The following AVEN variants were observed in gnomAD, a reference collection of about 807,000 sequenced individuals.
The protein encoded by AVEN is cell death regulator Aven.
In AVEN, 41 loss-of-function variants were observed where a neutral mutation model predicts 38.1. The ratio of observed to expected loss-of-function variants is 1.08; its 90% CI spans 0.84 to 1.40. AVEN has a LOEUF of 1.40. AVEN is among the 40% of genes most tolerant of loss of function. The pLI, the probability that AVEN is intolerant of heterozygous loss-of-function variation, is 0.00. For synonymous variants in AVEN, 206 were observed against 171.8 expected, an observed-to-expected ratio of 1.20 and a Z score of -1.56; for missense variants, 605 against 438.8, an observed-to-expected ratio of 1.38 and a Z score of -3.38.
chr15:33,912,055 A>G lies in AVEN; in HGVS notation c.446-36060T>C, dbSNP rs1170868240. 1.8e-4 allele frequency among the ~76,000 whole-genome samples: 28 copies of G among 152,256 alleles called. 2 individuals are homozygous for G. The highest frequency in any genetic ancestry group is 1.8e-3 in the Admixed American group (28 of 15,288). On this transcript the variant is annotated intron_variant, in intron 2 of 5. Transcript: ENST00000306730. ...ATGTAAATTATCTATGGATCTTTGG[A>G]AACAGCATGAGGTAATAGAAATCAA...
intron 2 of AVEN, among the ~76,000 whole-genome samples, chr15:33,916,762 G>A (rs1339142772): frequency 1.3e-5 from 2 of 151,782 alleles, no homozygotes; most frequent in Non-Finnish European, 2.9e-5. Flanking sequence ...TACAACCATC[G>A]TTATTAGTCT....
chr15:33,939,089 C>T (rs1037901015), intron 2 of AVEN, among the ~76,000 whole-genome samples: 3 of 152,336 alleles, frequency 2.0e-5, no homozygotes, highest in Middle Eastern at 6.8e-3. Flanking sequence ...GATTCGCCCG[C>T]TTCAGCCTCC....
At chr15:33,876,389 T>C (rs568920643) in intron 2 of AVEN, among the ~76,000 whole-genome samples, 4 of 152,088 alleles carry the variant, frequency 2.6e-5, no homozygotes, top group African/African-American at 9.6e-5. Flanking sequence ...CTGGACAACA[T>C]AGTGAAACCG....
chr15:33,883,669 A>C (rs1024768896), intron 2 of AVEN: 1 of 152,250 alleles, frequency 6.6e-6, no homozygotes, highest in Non-Finnish European at 1.5e-5. Flanking sequence ...TAAAATGATT[A>C]TCTCTCAGAA....
At chr15:33,852,019 AC>A in the AVEN span, 4 of 150,574 alleles carry the variant, frequency 2.7e-5, no homozygotes, top group Non-Finnish European at 5.9e-5. Flanking sequence ...AAAAAAAAAA[AC>A]ATTTTTTTTT....
At chr15:33,865,342 A>AAAAAAAAACTGCTGAAAATCTGTGCT (rs539804653), downstream of AVEN, 550 of 708,698 alleles carry the variant, frequency 7.8e-4, 6 homozygotes, top group South Asian at 9.9e-3. Context: ...GCCTCCCTTA[A>AAAAAAAAACTGCTGAAAATCTGTGCT]AAAAAAAACT....
At chr15:33,865,258 C>CAGTCA (rs771311317), downstream of AVEN, 72 of 1,484,720 alleles carry the variant, frequency 4.8e-5, no homozygotes, top group Non-Finnish European at 6.3e-5. Flanking sequence ...CAATTCTGGA[C>CAGTCA]AGTCAACTTC....
chr15:33,859,527 A>G (rs1000387294), intron 11 of AVEN: 6 of 1,606,976 alleles, frequency 3.7e-6, no homozygotes, highest in Non-Finnish European at 5.1e-6. Flanking sequence ...TCTTGCTAAA[A>G]ACAGAACTGT....
At chr15:33,951,622 C>T (rs1894755297) in intron 2 of AVEN, among the ~76,000 whole-genome samples, 1 of 151,856 alleles carries the variant, frequency 6.6e-6, no homozygotes, top group African/African-American at 2.4e-5. Flanking sequence ...TTTCATTCCC[C>T]TTTCCCTCCT....
chr15:33,914,979 G>A (rs1362116242), intron 2 of AVEN, among the ~76,000 whole-genome samples: 2 of 152,084 alleles, frequency 1.3e-5, no homozygotes. Context: ...TGATTTCAGG[G>A]TTGGGAAACA....
At position 33,976,234 on chromosome 15, in the gene AVEN, G is replaced by A. The variant is rs1002610436; in HGVS notation, c.445+26798C>T. Among the ~76,000 whole-genome samples the A allele has an allele frequency of 3.9e-5, 6 of 152,252 alleles. No individual in the cohort carries two copies. The East Asian group carries it at 1.2e-3, about 29-fold the overall frequency. ...TATGACATACTATTTATATTACAAT[G>A]TATTCATTTGCATTCAGTGATCATC... is the stretch of plus-strand genomic sequence containing the variant. On this transcript the variant is annotated intron_variant, in intron 2 of 5. Coordinates refer to ENST00000306730, the MANE Select transcript of AVEN (RefSeq NM_020371.3).
At chr15:33,909,379 C>A (rs1385940567) in intron 2 of AVEN, among the ~76,000 whole-genome samples, 1 of 152,076 alleles carries the variant, frequency 6.6e-6, no homozygotes, top group Non-Finnish European at 1.5e-5. Context: ...ACCTATTTGC[C>A]CATTTGCAAT....
intron 5 of AVEN, chr15:34,046,758 C>G (rs1423887108): frequency 6.6e-6 from 1 of 152,364 alleles, no homozygotes; most frequent in Non-Finnish European, 1.5e-5. Context: ...CGCTTTGGGA[C>G]TAATTGGGCA....
At chr15:33,859,728 C>T in intron 11 of AVEN, 1 of 1,606,542 alleles carries the variant, frequency 6.2e-7, no homozygotes, top group Non-Finnish European at 8.5e-7. Context: ...GGCCATCATT[C>T]AAGGTATGAT....
intron 5 of AVEN, among the ~76,000 whole-genome samples, chr15:34,052,415 C>T (rs900719910): frequency 6.6e-6 from 1 of 152,206 alleles, no homozygotes; most frequent in African/African-American, 2.4e-5. Flanking sequence ...AAGCTGGAAG[C>T]ATTCCCCATG....
chr15:33,854,350 T>G (rs756465175), downstream of AVEN: 46 of 1,524,788 alleles, frequency 3.0e-5, no homozygotes, highest in Middle Eastern at 5.0e-4. Context: ...AACTACCTCT[T>G]GACATTTATA....
upstream of AVEN, among the ~76,000 whole-genome samples, chr15:34,042,846 C>G (rs1322847322): frequency 6.6e-6 from 1 of 152,180 alleles, no homozygotes; most frequent in Non-Finnish European, 1.5e-5. Flanking sequence ...GCCCAGTAAT[C>G]TGTGTCTTAA....
intron 2 of AVEN, among the ~76,000 whole-genome samples, chr15:33,926,588 A>G (rs1782965432): frequency 6.6e-6 from 1 of 152,152 alleles, no homozygotes; most frequent in African/African-American, 2.4e-5. Context: ...AGACAGGAGG[A>G]TTGCTTGAGG....
chr15:33,896,398 C>G (rs1392902008), intron 2 of AVEN, among the ~76,000 whole-genome samples: 1 of 152,206 alleles, frequency 6.6e-6, no homozygotes, highest in Non-Finnish European at 1.5e-5. Flanking sequence ...AGTTCTCTCC[C>G]TTACACTCTA....
Sources: allele counts gnomAD v4.1 joint callset (sites outside exome capture counted in the v4.1 genomes callset), GRCh38; gene constraint gnomAD v4.1.1; transcripts MANE v1.5; gene names NCBI Gene and HGNC (gene_info 2026-07-23, HGNC 2026-07-21).